SRFBP1: variants seen among roughly 807,000 people sequenced by gnomAD.
The protein encoded by SRFBP1 is serum response factor-binding protein 1.
In SRFBP1, 47 loss-of-function variants were observed where a neutral mutation model predicts 45.5. That is an observed-to-expected ratio of 1.03 (90% CI 0.82 to 1.32). SRFBP1 has a LOEUF of 1.32. Among genes scored for constraint, SRFBP1 ranks in the 40% most tolerant of loss-of-function variants. The probability of loss-of-function intolerance (pLI) is 0.00; values close to 1 mark genes in which losing one functional copy is unlikely to be tolerated. For missense variants in SRFBP1, 621 were observed against 484.6 expected, an observed-to-expected ratio of 1.28 and a Z score of -2.64; for synonymous variants, 203 against 166.3, an observed-to-expected ratio of 1.22 and a Z score of -1.70.
At chr5:122,075,114 T>C (rs1433831369) in intron 2 of SRFBP1, among the ~76,000 whole-genome samples, 2 of 152,230 alleles carry the variant, frequency 1.3e-5, no homozygotes, top group South Asian at 2.1e-4. Flanking sequence ...TTGGCTGTAA[T>C]GGACTTTTAA....
In SRFBP1 at chr5:122,020,549, C is replaced by G. The variant is rs1206206091; in HGVS notation, c.814C>G (p.Gln272Glu). The G allele has an allele frequency of 1.9e-6, 3 of 1,614,162 alleles. No individual in the cohort carries two copies. The highest frequency in any genetic ancestry group is 1.3e-5 in the African/African-American group (1 of 75,060). The change falls in exon 6 of 8, where the codon CAG (glutamine) becomes GAG (glutamate). Residue 272 changes from glutamine to glutamate, a missense_variant. Physicochemically the swap from Gln to Glu is conservative, Grantham distance 29 (BLOSUM62 2). Transcript: ENST00000339397. ...DDSTEERFYKQSSMSEDSDSG... is the reference protein window; with the variant it reads ...DDSTEERFYKESSMSEDSDSG... ...TAGCACAGAAGAAAGGTTTTACAAGCAGTCTTCCATGTCTGAAGATAGTGA... is the reference window on the plus strand; with the variant it reads ...TAGCACAGAAGAAAGGTTTTACAAGGAGTCTTCCATGTCTGAAGATAGTGA...
At chr5:122,057,315 A>C (rs1754096372) in intron 2 of SRFBP1, among the ~76,000 whole-genome samples, 3 of 152,154 alleles carry the variant, frequency 2.0e-5, no homozygotes, top group Admixed American at 2.0e-4. Flanking sequence ...GAGATTCCAA[A>C]ACTATCTCGA....
intron 1 of SRFBP1, among the ~76,000 whole-genome samples, chr5:121,966,171 G>A (rs1231272181): frequency 6.6e-6 from 1 of 152,180 alleles, no homozygotes; most frequent in South Asian, 2.1e-4. Flanking sequence ...ATTTGAATAC[G>A]CTTTATTTCT....
intron 4 of SRFBP1, among the ~76,000 whole-genome samples, chr5:122,012,196 C>A (rs1415909508): frequency 6.6e-6 from 1 of 151,834 alleles, no homozygotes; most frequent in East Asian, 1.9e-4. Context: ...CCCTTTAGAT[C>A]TTGTTGAAAT....
chr5:122,053,162 A>G (rs1299198017), intron 2 of SRFBP1, among the ~76,000 whole-genome samples: 2 of 152,058 alleles, frequency 1.3e-5, no homozygotes, highest in Non-Finnish European at 2.9e-5. Flanking sequence ...GCTTCCTGGG[A>G]AAACACAGGG....
At chr5:121,990,362 G>A (rs993827680) in intron 3 of SRFBP1, among the ~76,000 whole-genome samples, 2 of 152,166 alleles carry the variant, frequency 1.3e-5, no homozygotes, top group Non-Finnish European at 2.9e-5. Flanking sequence ...TCACTTACAA[G>A]TAGGAGCTAA....
intron 4 of SRFBP1, among the ~76,000 whole-genome samples, chr5:122,017,512 A>G (rs1753214783): frequency 6.6e-6 from 1 of 152,200 alleles, no homozygotes; most frequent in Admixed American, 6.5e-5. Flanking sequence ...GTGATTCCAC[A>G]TAATTTAATC....
rs182228922 is a variant in SRFBP1 at position 122,045,754 on chromosome 5, G to A, written n.311+23347G>A. The stretch of plus-strand genomic sequence containing the variant: ...TCTTTATCATATTGAGGAGCTTTTG[G>A]GCAGAGATGGTGGGGTTTTCTAGAT... On this transcript the variant is annotated intron_variant and non_coding_transcript_variant, in intron 2 of 2. Transcript: ENST00000504881. Among the ~76,000 whole-genome samples the A allele has an allele frequency of 1.9e-3, 286 of 152,100 alleles. 4 individuals carry two copies. Among genetic ancestry groups the A allele is most frequent in the Non-Finnish European group, 7.5e-4 (51 of 67,986 alleles).
downstream of SRFBP1, among the ~76,000 whole-genome samples, chr5:122,032,245 T>C (rs1037045998): frequency 2.7e-5 from 4 of 150,180 alleles, no homozygotes; most frequent in Non-Finnish European, 4.4e-5. Flanking sequence ...ATTTTAATGA[T>C]TTTTCCTCCA....
chr5:122,041,152 C>A (rs1056167734), intron 2 of SRFBP1, among the ~76,000 whole-genome samples: 1 of 152,022 alleles, frequency 6.6e-6, no homozygotes, highest in Non-Finnish European at 1.5e-5. Context: ...TTAGAATAAT[C>A]TAAATGAGAG....
intron 3 of SRFBP1, among the ~76,000 whole-genome samples, chr5:121,975,935 TCTTA>T (rs1752293974): frequency 6.6e-6 from 1 of 151,974 alleles, no homozygotes. Context: ...TTCTTGCTGC[TCTTA>T]CTTTGAGGAA....
chr5:122,022,020 A>AT (rs1252826511), intron 6 of SRFBP1, among the ~76,000 whole-genome samples: 7 of 151,922 alleles, frequency 4.6e-5, no homozygotes, highest in Non-Finnish European at 1.0e-4. Context: ...TTTTTGTTAT[A>AT]TGAGAGTCAT....
intron 1 of SRFBP1, among the ~76,000 whole-genome samples, chr5:121,963,741 G>C (rs77826731): frequency 2.0e-5 from 3 of 151,998 alleles, no homozygotes; most frequent in African/African-American, 7.3e-5. Context: ...ACATGAATTT[G>C]TGAAAGCAGG....
chr5:121,984,414 A>G lies in SRFBP1; in HGVS notation c.198+9027A>G, dbSNP rs74627084. ...TTAACACATCTTTCCTTTTGTTACT[A>G]TGACAGGTTATTGGCATGTTATTTC... On this transcript the variant is annotated intron_variant, in intron 3 of 7. Transcript: ENST00000339397. Among the ~76,000 whole-genome samples, 297 of 151,846 alleles carry G rather than the reference A, an allele frequency of 2.0e-3. 10 individuals carry two copies. The East Asian group carries it at 0.042, about 22-fold the overall frequency.
At chr5:121,969,674 G>A (rs1461145102) in intron 1 of SRFBP1, among the ~76,000 whole-genome samples, 1 of 151,972 alleles carries the variant, frequency 6.6e-6, no homozygotes, top group East Asian at 1.9e-4. Flanking sequence ...TATATTCGCT[G>A]GGTATGTAAG....
At chr5:122,070,257 G>A in intron 2 of SRFBP1, 1 of 795,226 alleles carries the variant, frequency 1.3e-6, no homozygotes, top group Non-Finnish European at 2.2e-6. Context: ...AAATCAAGCA[G>A]GGAAGGGATT....
chr5:122,053,625 A>G (rs1754028814), intron 2 of SRFBP1, among the ~76,000 whole-genome samples: 1 of 152,150 alleles, frequency 6.6e-6, no homozygotes, highest in South Asian at 2.1e-4. Context: ...TTCACACAGA[A>G]GTGGGGCCGC....
chr5:122,032,772 G>T (rs527925818), downstream of SRFBP1, among the ~76,000 whole-genome samples: 1 of 152,300 alleles, frequency 6.6e-6, no homozygotes, highest in South Asian at 2.1e-4. Flanking sequence ...TGTTGTTGCA[G>T]GTCTGTCTTC....
chr5:122,047,523 A>G (rs1012779139), intron 2 of SRFBP1, among the ~76,000 whole-genome samples: 2 of 152,084 alleles, frequency 1.3e-5, no homozygotes, highest in African/African-American at 2.4e-5. Flanking sequence ...TTGTCTTGGC[A>G]ATGCGGGCTC....
Sources: gnomAD v4.1 joint callset for allele counts (sites outside exome capture counted in the v4.1 genomes callset) on GRCh38, gnomAD v4.1.1 for gene constraint, MANE v1.5 for transcripts, NCBI Gene and HGNC (gene_info 2026-07-23, HGNC 2026-07-21) for gene names.